The following PRDM2 variants were observed in gnomAD, a reference collection of about 807,000 sequenced individuals.
PRDM2 encodes PR/SET domain 2, also known as PR domain zinc finger protein 2.
Under a neutral mutation model 130.0 loss-of-function variants are expected in PRDM2, and 30 were observed. The ratio of observed to expected loss-of-function variants is 0.23; its 90% CI spans 0.17 to 0.31. PRDM2 has a LOEUF of 0.31. Ranked by LOEUF, PRDM2 falls within the 10% of genes least tolerant of loss-of-function variation. PRDM2 has a pLI of 1.00. For synonymous variants in PRDM2, 871 were observed against 782.4 expected (o/e 1.11, Z -1.89); for missense variants, 2,011 against 2,108.4 (o/e 0.95, Z 0.90).
chr1:13,769,159 C>A, intron 6 of PRDM2: 1 of 985,558 alleles, frequency 1.0e-6, no homozygotes, highest in African/African-American at 1.7e-5. Flanking sequence ...CCTGTAGGAC[C>A]CCCAGGACCC....
rs536944993 is a variant in PRDM2, at chr1:13,813,822, A to G, written c.5037-2605A>G. Among the ~76,000 whole-genome samples the G allele has an allele frequency of 8.5e-5, 13 of 152,282 alleles. No homozygotes were observed. The South Asian group carries it at 1.4e-3, about 17-fold the overall frequency. ...AGGCGCGCCCCCTGGTGGAGACGCT[A>G]TGGTTGCTGCATCCGCAGGAGCCCA... On this transcript the variant is annotated intron_variant, in intron 8 of 9. Coordinates refer to ENST00000311066, the MANE Select transcript of PRDM2 (RefSeq NM_001393986.1).
chr1:13,816,913 GA>G (rs992828052), intron 9 of PRDM2, among the ~76,000 whole-genome samples: 7 of 152,238 alleles, frequency 4.6e-5, no homozygotes, highest in African/African-American at 1.7e-4. Flanking sequence ...GAAGCACCTA[GA>G]AGAGTGTCTG....
rs190284968 is a variant in PRDM2, at chr1:13,720,276, C to T, written c.9+4662C>T. The stretch of plus-strand genomic sequence containing the variant: ...TACATGCAGCTTTATGTAACAGCAG[C>T]CAATGCCAATGTTATGCTGTAGAGC... On this transcript the variant is annotated intron_variant, in intron 2 of 9. Coordinates refer to ENST00000311066, the MANE Select transcript of PRDM2 (RefSeq NM_001393986.1). 2.0e-5 allele frequency among the ~76,000 whole-genome samples: 3 copies of T among 152,262 alleles called. No individual in the cohort carries two copies. In the East Asian group the frequency reaches 5.8e-4, roughly 29 times the overall value.
chr1:13,823,318 C>T lies in PRDM2; in HGVS notation c.*183C>T, dbSNP rs969607208. 7.4e-6 allele frequency: 8 copies of T among 1,087,608 alleles called. No individual in the cohort carries two copies. Among genetic ancestry groups the T allele is most frequent in the Admixed American group, 4.1e-5 (2 of 48,510 alleles). The allele number at this position is 1,087,608 out of a possible 1,614,324, so 67.4% of individuals were successfully genotyped here. A position where few individuals can be genotyped will look rare whatever the true frequency, so the allele number is the denominator to read the frequency against. On this transcript the variant is annotated 3_prime_UTR_variant, in exon 10 of 10. Coordinates refer to ENST00000311066, the MANE Select transcript of PRDM2 (RefSeq NM_001393986.1). ...GTGTGTTCACGTGTTCTCGTGCGGG[C>T]GCGTGAGTGGTCTTCAAACGAGGGT...
intron 5 of PRDM2, 108 bp from the exon 6 acceptor site, chr1:13,749,253 A>C: frequency 9.4e-7 from 1 of 1,065,144 alleles, no homozygotes; most frequent in Non-Finnish European, 1.2e-6. Context: ...CGCCGCCGAC[A>C]GCTGTTTGCC....
rs752200976 is a variant in PRDM2 at position 13,780,645 on chromosome 1, C to T, written c.2850C>T (p.Ala950=). 2.5e-6 allele frequency: 4 copies of T among 1,613,296 alleles called. No homozygotes were observed. Among genetic ancestry groups the T allele is most frequent in the Admixed American group, 1.7e-5 (1 of 59,978 alleles). The stretch of plus-strand genomic sequence containing the variant: ...CTGATGTTTGTCCTTCATCACCTGC[C>T]CTGCAGACACCCTCCCTTTCATCCG... ...STPDVCPSSP[A]LQTPSLSSGQ... Residue 950 remains alanine (A), a synonymous_variant, in exon 8 of 10, where the codon GCC becomes GCT. Transcript: ENST00000311066.
rs548462761 is a variant in PRDM2, at chr1:13,783,650, A to AAG, written c.5036+824_5036+825dup. ...TAAGAACTGTTCTCAGTGACAGATGAAGAGAGGGCAGCGGTTAAATTTGTT... is the reference window on the plus strand; with the variant it reads ...TAAGAACTGTTCTCAGTGACAGATGAAGAGAGAGGGCAGCGGTTAAATTTGTT... On this transcript the variant is annotated intron_variant, in intron 8 of 9. Coordinates refer to ENST00000311066, the MANE Select transcript of PRDM2 (RefSeq NM_001393986.1). Among the ~76,000 whole-genome samples the AAG allele has an allele frequency of 1.2e-3, 178 of 152,306 alleles. 3 individuals are homozygous for AAG. In the South Asian group the frequency reaches 0.036, roughly 31 times the overall value.
Position 13,810,639 on chromosome 1 carries a change from C to T in PRDM2, c.5037-5788C>T, listed in dbSNP as rs894166583. On this transcript the variant is annotated intron_variant, in intron 8 of 9. Coordinates refer to ENST00000311066, the MANE Select transcript of PRDM2 (RefSeq NM_001393986.1). ...CCTCCCAAGTAGCTGGGACTACAGG[C>T]GCCCGCCACCACACCCGGCTAATTT... 7.9e-5 allele frequency among the ~76,000 whole-genome samples: 12 copies of T among 152,046 alleles called. No homozygotes were observed. The South Asian group carries it at 2.1e-3, about 26-fold the overall frequency.
chr1:13,735,393 G>A (rs908161651), intron 4 of PRDM2, among the ~76,000 whole-genome samples: 1 of 152,170 alleles, frequency 6.6e-6, no homozygotes, highest in Non-Finnish European at 1.5e-5. Context: ...CTCCCCATCC[G>A]CACTGAGTAA....
chr1:13,795,294 T>C (rs1388089856), intron 8 of PRDM2, among the ~76,000 whole-genome samples: 1 of 152,206 alleles, frequency 6.6e-6, no homozygotes, highest in Non-Finnish European at 1.5e-5. Context: ...CCTCATTTAA[T>C]CTTCAAAAGA....
At chr1:13,800,774 GC>G (rs1644994267) in intron 8 of PRDM2, among the ~76,000 whole-genome samples, 1 of 152,140 alleles carries the variant, frequency 6.6e-6, no homozygotes, top group Non-Finnish European at 1.5e-5. Flanking sequence ...CAGCTGCTGG[GC>G]CGGCTCTCAC....
chr1:13,806,093 A>G lies in PRDM2; in HGVS notation c.5037-10334A>G, dbSNP rs988514682. ...TTATCAGCAGCCCCCAGGATGCTCA[A>G]TGCAGTGGTTGGTTTCCAGTCCCAT... is the stretch of plus-strand genomic sequence containing the variant. On this transcript the variant is annotated intron_variant, in intron 8 of 9. Coordinates refer to ENST00000311066, the MANE Select transcript of PRDM2 (RefSeq NM_001393986.1). The surrounding 1 kb of genome is among the most constrained non-coding windows in gnomAD (Gnocchi z 4.1). Among the ~76,000 whole-genome samples the G allele has an allele frequency of 1.3e-5, 2 of 152,092 alleles. No homozygotes were observed. The highest frequency in any genetic ancestry group is 2.9e-5 in the Non-Finnish European group (2 of 68,006).
At chr1:13,741,520 GTA>G (rs1443586410) in intron 4 of PRDM2, among the ~76,000 whole-genome samples, 1 of 152,176 alleles carries the variant, frequency 6.6e-6, no homozygotes, top group Non-Finnish European at 1.5e-5. Context: ...CTGCTGAATT[GTA>G]TAGCCCTGCA....
At position 13,714,185 on chromosome 1, in the gene PRDM2, A is replaced by G. The variant is rs555555308; in HGVS notation, c.-65-1356A>G. On this transcript the variant is annotated intron_variant, in intron 1 of 9. Coordinates refer to ENST00000311066, the MANE Select transcript of PRDM2 (RefSeq NM_001393986.1). ...TGCCCGGCCCAAAATATACATTTTT[A>G]ACTTGATAACAATCTTATGTCTTAG... Among the ~76,000 whole-genome samples the G allele has an allele frequency of 4.6e-5, 7 of 152,108 alleles. No homozygotes were observed. The East Asian group carries it at 1.2e-3, about 25-fold the overall frequency.
At chr1:13,783,667 A>C (rs1457264989) in intron 8 of PRDM2, among the ~76,000 whole-genome samples, 1 of 152,208 alleles carries the variant, frequency 6.6e-6, no homozygotes, top group Non-Finnish European at 1.5e-5. Flanking sequence ...GGCAGCGGTT[A>C]AATTTGTTAC....
intron 8 of PRDM2, among the ~76,000 whole-genome samples, chr1:13,807,691 T>G (rs1179520819): frequency 1.3e-5 from 2 of 152,180 alleles, no homozygotes; most frequent in Admixed American, 6.5e-5. Context: ...TCTGAATGAC[T>G]GAATGAAAGA....
chr1:13,781,375 T>G lies in PRDM2; in HGVS notation c.3580T>G (p.Ser1194Ala). The change falls in exon 8 of 10, where the codon TCT (serine) becomes GCT (alanine). Residue 1194 changes from serine (S) to alanine (A), a missense_variant. Ser to Ala is a moderately conservative substitution (Grantham distance 99, BLOSUM62 1). This residue lies in a region of PRDM2 where 229 missense variants were observed against 364.1 expected (regional missense o/e 0.63). Coordinates refer to ENST00000311066, the MANE Select transcript of PRDM2 (RefSeq NM_001393986.1). This position sits in a 1 kb window ranked among gnomAD's most constrained non-coding sequence, Gnocchi z 6.1. ...TGGAGTTGGGAATATCTTTGTGTGT[T>G]CTGTTTGTAAAAAAGAATTTGCTTT... ...LHGVGNIFVC[S>A]VCKKEFAFLC... is the part of the protein sequence containing the mutation. 1 of 1,614,164 alleles carries G rather than the reference T, an allele frequency of 6.2e-7. No individual in the cohort carries two copies. Among genetic ancestry groups the G allele is most frequent in the Non-Finnish European group, 8.5e-7 (1 of 1,180,038 alleles).
chr1:13,774,926 C>CCA (rs1347559316), intron 7 of PRDM2, among the ~76,000 whole-genome samples: 2 of 151,584 alleles, frequency 1.3e-5, no homozygotes, highest in African/African-American at 4.8e-5. Flanking sequence ...CGAGATCGTG[C>CCA]CACTGCACTC....
chr1:13,767,682 A>G (rs1040645154), intron 6 of PRDM2, among the ~76,000 whole-genome samples: 1 of 152,104 alleles, frequency 6.6e-6, no homozygotes, highest in Non-Finnish European at 1.5e-5. Flanking sequence ...TGCTTTGTAA[A>G]GTAAGGTATG....
Sources: allele counts gnomAD v4.1 joint callset (sites outside exome capture counted in the v4.1 genomes callset), GRCh38; gene constraint gnomAD v4.1.1; regional missense constraint gnomAD v4.1.1; non-coding constraint Gnocchi (gnomAD v3.1); transcripts MANE v1.5; gene names NCBI Gene and HGNC (gene_info 2026-07-23, HGNC 2026-07-21).